Variants in HTR4 observed in about 807,000 individuals in gnomAD.
The protein encoded by HTR4 is 5-hydroxytryptamine receptor 4, also known as 5-hydroxytryptamine (serotonin) receptor 4, G protein-coupled.
Under a neutral mutation model 36.8 loss-of-function variants are expected in HTR4, and 16 were observed. The observed-to-expected ratio is 0.43, with a 90% CI of 0.29 to 0.66. The LOEUF is 0.66. Ranked by LOEUF, HTR4 falls within the 30% of genes least tolerant of loss-of-function variation. The probability of loss-of-function intolerance (pLI) is 0.13; values close to 1 mark genes in which losing one functional copy is unlikely to be tolerated. For missense variants in HTR4, 438 were observed against 490.9 expected, an observed-to-expected ratio of 0.89 and a Z score of 1.02; for synonymous variants, 189 against 185.1, an observed-to-expected ratio of 1.02 and a Z score of -0.17.
rs1759423501 is a variant in HTR4 at position 148,547,256 on chromosome 5, T to A, written c.353+1412A>T. Among the ~76,000 whole-genome samples, 3 of 152,124 alleles carry A rather than the reference T, an allele frequency of 2.0e-5. No homozygotes were observed. The South Asian group carries it at 6.2e-4, about 32-fold the overall frequency. ...ACTATGATGTTAGTGTTTAAAAGTG[T>A]GTATGTTAGATATACCACAATCTCT... On this transcript the variant is annotated intron_variant, in intron 4 of 6. Transcript: ENST00000377888.
intron 2 of HTR4, among the ~76,000 whole-genome samples, chr5:148,618,192 G>A (rs1055577200): frequency 6.6e-6 from 1 of 152,126 alleles, no homozygotes; most frequent in Non-Finnish European, 1.5e-5. Flanking sequence ...GGCCAGACCT[G>A]GAGAACATGC....
At chr5:148,625,656 C>T (rs1753075128) in intron 2 of HTR4, among the ~76,000 whole-genome samples, 1 of 152,166 alleles carries the variant, frequency 6.6e-6, no homozygotes, top group Non-Finnish European at 1.5e-5. Flanking sequence ...TCTCTGCTCA[C>T]TGCAACCTCT....
intron 2 of HTR4, among the ~76,000 whole-genome samples, chr5:148,593,939 T>C (rs955579216): frequency 4.6e-5 from 7 of 152,180 alleles, no homozygotes; most frequent in African/African-American, 1.7e-4. Context: ...TGTTGATCCA[T>C]AAAATCCAGA....
chr5:148,492,773 T>G (rs958508281), intron 6 of HTR4, among the ~76,000 whole-genome samples: 1 of 152,198 alleles, frequency 6.6e-6, no homozygotes, highest in Non-Finnish European at 1.5e-5. Context: ...AGATGTTTGG[T>G]CAAACACTTA....
chr5:148,553,111 A>ATG (rs1174821878), intron 2 of HTR4, among the ~76,000 whole-genome samples: 4 of 152,226 alleles, frequency 2.6e-5, no homozygotes, highest in South Asian at 2.1e-4. Context: ...GCATTGTTGT[A>ATG]TGTCCTAGGG....
At chr5:148,611,506 C>A (rs946193187) in intron 2 of HTR4, among the ~76,000 whole-genome samples, 6 of 131,650 alleles carry the variant, frequency 4.6e-5, no homozygotes, top group Admixed American at 1.5e-4. Context: ...CAGGCCTGCC[C>A]TAAAAGAGCT....
intron 2 of HTR4, among the ~76,000 whole-genome samples, chr5:148,596,540 T>C (rs1392126179): frequency 1.3e-5 from 2 of 152,138 alleles, no homozygotes; most frequent in Non-Finnish European, 2.9e-5. Flanking sequence ...GCTGGCTTTT[T>C]TTGGAGAGCT....
intron 5 of HTR4, among the ~76,000 whole-genome samples, chr5:148,469,570 A>G (rs780596001): frequency 3.9e-5 from 6 of 152,198 alleles, no homozygotes; most frequent in Non-Finnish European, 8.8e-5. Flanking sequence ...TGCAGCATAA[A>G]CAATAAGTTC....
chr5:148,508,574 C>A (rs536737585), intron 6 of HTR4, among the ~76,000 whole-genome samples: 73 of 152,156 alleles, frequency 4.8e-4, no homozygotes, highest in Non-Finnish European at 3.2e-4. Context: ...CCTTCTCCTC[C>A]ATGTCTCAAA....
At chr5:148,600,994 A>AAC (rs1761971389) in intron 2 of HTR4, among the ~76,000 whole-genome samples, 3 of 148,766 alleles carry the variant, frequency 2.0e-5, no homozygotes, top group Non-Finnish European at 4.5e-5. Context: ...AAAAAAAAAA[A>AAC]AAAAAAAAAC....
At chr5:148,597,744 T>A (rs753261126) in intron 2 of HTR4, among the ~76,000 whole-genome samples, 23 of 152,208 alleles carry the variant, frequency 1.5e-4, no homozygotes, top group Non-Finnish European at 2.2e-4. Flanking sequence ...TGGAAACATG[T>A]TAAAGAATCA....
intron 2 of HTR4, among the ~76,000 whole-genome samples, chr5:148,567,904 C>G (rs10042704): frequency 0.012 from 1,794 of 152,156 alleles, 42 homozygotes; most frequent in African/African-American, 0.041. Flanking sequence ...TGTCTCCCAC[C>G]AATAGATAAG....
At chr5:148,636,802 G>A (rs572133300) in intron 2 of HTR4, among the ~76,000 whole-genome samples, 187 bp downstream of exon 2, 173 of 152,020 alleles carry the variant, frequency 1.1e-3, no homozygotes, top group Non-Finnish European at 2.1e-3. Flanking sequence ...GTCATATTAC[G>A]TTTTTCATTT....
downstream of HTR4, among the ~76,000 whole-genome samples, chr5:148,480,015 T>G (rs565499758): frequency 1.3e-5 from 2 of 152,362 alleles, no homozygotes; most frequent in African/African-American, 4.8e-5. Flanking sequence ...CTTTATGTAG[T>G]ATTCATGCTA....
At chr5:148,637,297 C>T (rs978071213) in intron 1 of HTR4, among the ~76,000 whole-genome samples, 1 of 152,218 alleles carries the variant, frequency 6.6e-6, no homozygotes, top group African/African-American at 2.4e-5. Flanking sequence ...CATATGGGTG[C>T]TTCTTTTTGC....
At chr5:148,647,080 C>T (rs1386112961) in intron 1 of HTR4, among the ~76,000 whole-genome samples, 2 of 152,168 alleles carry the variant, frequency 1.3e-5, no homozygotes, top group African/African-American at 4.8e-5. Flanking sequence ...CTTTGAGCTC[C>T]TCCCTTTGCC....
At chr5:148,455,639 T>C (rs1364042803) in intron 5 of HTR4, among the ~76,000 whole-genome samples, 2 of 152,136 alleles carry the variant, frequency 1.3e-5, no homozygotes, top group South Asian at 2.1e-4. Context: ...CAGTTGATCG[T>C]TGAACAGTGT....
chr5:148,640,979 G>A (rs1213821246), intron 1 of HTR4, among the ~76,000 whole-genome samples: 1 of 152,138 alleles, frequency 6.6e-6, no homozygotes, highest in Admixed American at 6.6e-5. Flanking sequence ...TTTTATCAGA[G>A]AGAAAGGAAC....
At chr5:148,576,495 G>C (rs965017408) in intron 2 of HTR4, among the ~76,000 whole-genome samples, 4 of 151,860 alleles carry the variant, frequency 2.6e-5, no homozygotes, top group Admixed American at 2.6e-4. Context: ...AACCAATAAA[G>C]AGCTCTAATA....
Sources: allele counts gnomAD v4.1 joint callset (sites outside exome capture counted in the v4.1 genomes callset), GRCh38; gene constraint gnomAD v4.1.1; transcripts MANE v1.5; gene names NCBI Gene and HGNC (gene_info 2026-07-23, HGNC 2026-07-21).